AGAP1: variants seen among roughly 807,000 people sequenced by gnomAD.
AGAP1 encodes arf-GAP with GTPase, ANK repeat and PH domain-containing protein 1.
Under a neutral mutation model 105.3 loss-of-function variants are expected in AGAP1, and 29 were observed. That is an observed-to-expected ratio of 0.28 (90% CI 0.21 to 0.38). AGAP1 has a LOEUF of 0.38. Among genes scored for constraint, AGAP1 ranks in the 10% least tolerant of loss-of-function variants. The pLI is 1.00. For missense variants in AGAP1, 998 were observed against 1,165.1 expected (o/e 0.86, Z 2.09); for synonymous variants, 509 against 485.9 (o/e 1.05, Z -0.63).
At chr2:235,686,044 T>C (rs1949364710) in intron 1 of AGAP1, among the ~76,000 whole-genome samples, 1 of 152,172 alleles carries the variant, frequency 6.6e-6, no homozygotes, top group Admixed American at 6.5e-5. Flanking sequence ...TGACTTTGAA[T>C]AGAGTGGGAG....
chr2:235,524,944 T>C (rs1245626985), intron 1 of AGAP1, among the ~76,000 whole-genome samples: 1 of 152,224 alleles, frequency 6.6e-6, no homozygotes, highest in Non-Finnish European at 1.5e-5. Context: ...TGTTGCAAAA[T>C]AGGATTTTTC....
At chr2:235,954,750 A>T (rs2053877933) in intron 12 of AGAP1, among the ~76,000 whole-genome samples, 1 of 151,846 alleles carries the variant, frequency 6.6e-6, no homozygotes, top group Non-Finnish European at 1.5e-5. Flanking sequence ...CCTCGTGGTC[A>T]ATATGCACAC....
chr2:235,816,449 A>C (rs1196929717), intron 9 of AGAP1, among the ~76,000 whole-genome samples: 1 of 151,508 alleles, frequency 6.6e-6, no homozygotes, highest in Non-Finnish European at 1.5e-5. Flanking sequence ...AAAAAAAAAA[A>C]AAAAAAAAGG....
Position 235,750,007 on chromosome 2 carries a change from G to A in AGAP1, c.539-347G>A, listed in dbSNP as rs546124802. On this transcript the variant is annotated intron_variant, in intron 5 of 17. Transcript: ENST00000304032. This position sits in a 1 kb window ranked among gnomAD's most constrained non-coding sequence, Gnocchi z 5.3. ...GTAGGGAGTATGCTTAGCCACCTGCGTGGTGCACAGAAGGGGGCCTGCACA... is the reference window on the plus strand; with the variant it reads ...GTAGGGAGTATGCTTAGCCACCTGCATGGTGCACAGAAGGGGGCCTGCACA... 2.3e-4 allele frequency among the ~76,000 whole-genome samples: 35 copies of A among 152,312 alleles called. No individual in the cohort carries two copies. Among genetic ancestry groups the A allele is most frequent in the African/African-American group, 6.3e-4 (26 of 41,586 alleles).
chr2:236,001,343 G>A lies in AGAP1; in HGVS notation c.1645+32720G>A, dbSNP rs997104778. 2.0e-5 allele frequency among the ~76,000 whole-genome samples: 3 copies of A among 152,238 alleles called. No homozygotes were observed. The highest frequency in any genetic ancestry group is 4.4e-5 in the Non-Finnish European group (3 of 68,042). ...CACGCCACCCAGCGTGCGGTGCATT[G>A]TGGCAGGTGCAGGCCGCTAGTGCCC... On this transcript the variant is annotated intron_variant, in intron 13 of 17. Transcript: ENST00000304032. This position sits in a 1 kb window ranked among gnomAD's most constrained non-coding sequence, Gnocchi z 4.7.
intron 11 of AGAP1, among the ~76,000 whole-genome samples, chr2:235,921,384 G>A (rs2052175595): frequency 1.3e-5 from 2 of 152,264 alleles, no homozygotes; most frequent in South Asian, 2.1e-4. Context: ...ATAAAAAATT[G>A]ATCTGTTAGA....
intron 1 of AGAP1, among the ~76,000 whole-genome samples, chr2:235,676,317 G>A (rs1948733238): frequency 6.6e-6 from 1 of 152,158 alleles, no homozygotes; most frequent in South Asian, 2.1e-4. Flanking sequence ...GTCCTTCCTG[G>A]GCATGAAGCA....
intron 1 of AGAP1, among the ~76,000 whole-genome samples, chr2:235,530,406 G>A (rs1295606690): frequency 6.6e-6 from 1 of 152,138 alleles, no homozygotes; most frequent in Non-Finnish European, 1.5e-5. Context: ...GCTGTACAAG[G>A]TTACCCCAGA....
intron 1 of AGAP1, among the ~76,000 whole-genome samples, chr2:235,674,435 C>T (rs1948613893): frequency 6.6e-6 from 1 of 152,204 alleles, no homozygotes; most frequent in Non-Finnish European, 1.5e-5. Context: ...TCTGGGCCGG[C>T]CCTGGAACCA....
chr2:235,792,849 C>G lies in AGAP1; in HGVS notation c.674-4910C>G, dbSNP rs866337446. On this transcript the variant is annotated intron_variant, in intron 6 of 17. Coordinates refer to ENST00000304032, the MANE Select transcript of AGAP1 (RefSeq NM_001037131.3). This position sits in a 1 kb window ranked among gnomAD's most constrained non-coding sequence, Gnocchi z 5.3. ...CAACTCTAGAAGGCAGGATGTGAGG[C>G]AGAGCTCTTCGTGGCAGTGGCGATC... Among the ~76,000 whole-genome samples the G allele has an allele frequency of 3.3e-5, 5 of 152,246 alleles. No homozygotes were observed. Among genetic ancestry groups the G allele is most frequent in the Admixed American group, 2.0e-4 (3 of 15,304 alleles).
rs987041530 is a variant in AGAP1 at position 236,104,717 on chromosome 2, C to T, written c.2115-15475C>T. ...TAGCCTGGCCAACATGGTGAAACCCCGTCTCTACCAAAAATACAAAAATTA... is the reference window on the plus strand; with the variant it reads ...TAGCCTGGCCAACATGGTGAAACCCTGTCTCTACCAAAAATACAAAAATTA... On this transcript the variant is annotated intron_variant, in intron 16 of 17. Coordinates refer to ENST00000304032, the MANE Select transcript of AGAP1 (RefSeq NM_001037131.3). This position sits in a 1 kb window ranked among gnomAD's most constrained non-coding sequence, Gnocchi z 4.7. Among the ~76,000 whole-genome samples the T allele has an allele frequency of 5.3e-5, 8 of 152,132 alleles. No homozygotes were observed. Among genetic ancestry groups the T allele is most frequent in the African/African-American group, 1.2e-4 (5 of 41,430 alleles).
chr2:235,763,046 G>A (rs1468022516), intron 6 of AGAP1, among the ~76,000 whole-genome samples: 3 of 129,494 alleles, frequency 2.3e-5, no homozygotes, highest in Non-Finnish European at 5.1e-5. Flanking sequence ...GTGTGTGTGT[G>A]TGTGTATGTG....
In AGAP1 at chr2:235,964,245, C is replaced by T. The variant is rs540125344; in HGVS notation, c.1484-4217C>T. 1.3e-5 allele frequency among the ~76,000 whole-genome samples: 2 copies of T among 152,156 alleles called. No individual in the cohort carries two copies. On this transcript the variant is annotated intron_variant, in intron 12 of 17. Coordinates refer to ENST00000304032, the MANE Select transcript of AGAP1 (RefSeq NM_001037131.3). This position sits in a 1 kb window ranked among gnomAD's most constrained non-coding sequence, Gnocchi z 4.6. ...CATGGCCTGTCGAAATGAGAGGACA[C>T]CCAAGGGACAGAGTAAAATAATATG...
chr2:235,988,322 C>T lies in AGAP1; in HGVS notation c.1645+19699C>T, dbSNP rs950696183. Among the ~76,000 whole-genome samples the T allele has an allele frequency of 2.0e-5, 3 of 152,172 alleles. No homozygotes were observed. Among genetic ancestry groups the T allele is most frequent in the South Asian group, 2.1e-4 (1 of 4,824 alleles). ...CCTCCCAAAGTGGTAGGATTACAGG[C>T]GTGAGCCACCGTGCCTGGCCTAAAA... On this transcript the variant is annotated intron_variant, in intron 13 of 17. Transcript: ENST00000304032. The surrounding 1 kb of genome is among the most constrained non-coding windows in gnomAD (Gnocchi z 4.7).
chr2:236,015,080 T>G (rs192382856), intron 13 of AGAP1, among the ~76,000 whole-genome samples: 13 of 152,360 alleles, frequency 8.5e-5, no homozygotes, highest in Admixed American at 7.8e-4. Flanking sequence ...TCGTGTTCCT[T>G]TCAGCTTACT....
chr2:236,084,549 A>C (rs2058873429), intron 16 of AGAP1, among the ~76,000 whole-genome samples: 1 of 152,210 alleles, frequency 6.6e-6, no homozygotes, highest in Admixed American at 6.5e-5. Flanking sequence ...CTCTGTTTGG[A>C]TATAAATCAT....
Position 235,620,282 on chromosome 2 carries a change from G to A in AGAP1, c.164-88897G>A, listed in dbSNP as rs957701899. On this transcript the variant is annotated intron_variant, in intron 1 of 17. Transcript: ENST00000304032. This position sits in a 1 kb window ranked among gnomAD's most constrained non-coding sequence, Gnocchi z 4.5. The stretch of plus-strand genomic sequence containing the variant: ...GTCCCGGGCAGCAGCGTTGCTTGGC[G>A]GATTACTGCTCACCTCTTCAAGCCG... Among the ~76,000 whole-genome samples, 6 of 152,150 alleles carry A rather than the reference G, an allele frequency of 3.9e-5. No homozygotes were observed. Among genetic ancestry groups the A allele is most frequent in the African/African-American group, 7.2e-5 (3 of 41,440 alleles).
rs1025769370 is a variant in AGAP1, at chr2:236,036,777, G to A, written c.1800+62G>A. The A allele has an allele frequency of 4.4e-6, 7 of 1,599,118 alleles. No individual in the cohort carries two copies. Among genetic ancestry groups the A allele is most frequent in the Non-Finnish European group, 6.0e-6 (7 of 1,174,440 alleles). The stretch of plus-strand genomic sequence containing the variant: ...TGCTCAGGGGGAGTGCGGGCCCCAA[G>A]TAATGCCCCAGGGAGGAGAAAATAG... On this transcript the variant is annotated intron_variant, in intron 14 of 17. Coordinates refer to ENST00000304032, the MANE Select transcript of AGAP1 (RefSeq NM_001037131.3). The surrounding 1 kb of genome is among the most constrained non-coding windows in gnomAD (Gnocchi z 5.7).
intron 1 of AGAP1, among the ~76,000 whole-genome samples, chr2:235,698,444 A>C (rs1293822100): frequency 6.6e-6 from 1 of 152,186 alleles, no homozygotes; most frequent in Non-Finnish European, 1.5e-5. Flanking sequence ...ATGAAAAAAA[A>C]ATGGCTGTGA....
Sources: allele counts gnomAD v4.1 joint callset (sites outside exome capture counted in the v4.1 genomes callset), GRCh38; gene constraint gnomAD v4.1.1; non-coding constraint Gnocchi (gnomAD v3.1); transcripts MANE v1.5; gene names NCBI Gene and HGNC (gene_info 2026-07-23, HGNC 2026-07-21).